MARF1: variants seen among roughly 807,000 people sequenced by gnomAD.
MARF1 encodes the protein limkain-b1.
MARF1 carries 24 observed loss-of-function variants against 168.2 expected under a neutral mutation model. The observed-to-expected ratio is 0.14, with a 90% CI of 0.10 to 0.20. MARF1 has a LOEUF of 0.20. Ranked by LOEUF, MARF1 falls within the 10% of genes least tolerant of loss-of-function variation. The probability of loss-of-function intolerance (pLI) is 1.00; values close to 1 mark genes in which losing one functional copy is unlikely to be tolerated. For missense variants in MARF1, 1,744 were observed against 2,143.6 expected (o/e 0.81, Z 3.68); for synonymous variants, 868 against 822.4 (o/e 1.06, Z -0.95).
chr16:15,613,350 T>C (rs953202788), intron 16 of MARF1, among the ~76,000 whole-genome samples: 6 of 152,074 alleles, frequency 3.9e-5, no homozygotes, highest in Admixed American at 6.5e-5. Context: ...GAAATCTTTA[T>C]AGAAAGGTGG....
In MARF1 at chr16:15,600,540, T is replaced by G. The variant is rs1379433407; in HGVS notation, c.4701A>C (p.Ser1567=). 1.2e-6 allele frequency: 2 copies of G among 1,613,912 alleles called. No homozygotes were observed. The highest frequency in any genetic ancestry group is 1.3e-5 in the African/African-American group (1 of 74,864). The change falls in exon 25 of 27, where the codon TCA becomes TCC. Residue 1567 remains serine, a synonymous_variant. Transcript: ENST00000396368. ...LKNDMKSRLS[S]LSLSPANHEN... is the part of the protein sequence containing the mutation. ...CATGATTGGCAGGGGAGAGACTGAG[T>G]GAACTCAAACGACCTACAGGACAAA...
intron 25 of MARF1, among the ~76,000 whole-genome samples, chr16:15,599,475 G>A (rs1400558773): frequency 3.3e-5 from 5 of 152,306 alleles, no homozygotes; most frequent in African/African-American, 4.8e-5. Flanking sequence ...GCTGCACAAC[G>A]GAGGTCAGCA....
At position 15,609,685 on chromosome 16, in the gene MARF1, G is replaced by A. The variant is rs1242698026; in HGVS notation, c.3792C>T (p.Ser1264=). The A allele has an allele frequency of 6.2e-7, 1 of 1,614,024 alleles. No homozygotes were observed. The highest frequency in any genetic ancestry group is 8.5e-7 in the Non-Finnish European group (1 of 1,179,994). ...GACGCAGCAAATCAACGACATCCTT[G>A]GAGAACTGTTTTGTCCTTTCTATTT... The part of the protein sequence containing the change: ...QDEIERTKQF[S]KDVVDLLRHQ... The change falls in exon 20 of 27, where the codon TCC becomes TCT. Residue 1264 remains serine, a synonymous_variant. Coordinates refer to ENST00000396368, the MANE Select transcript of MARF1 (RefSeq NM_014647.4).
At position 15,635,961 on chromosome 16, in the gene MARF1, A is replaced by C. The variant is rs753704997; in HGVS notation, c.526T>G (p.Phe176Val). ...RNNLAGIASD[F>V]PSMCLESNLS... is the part of the protein sequence containing the mutation. ...TTACTCTCTAGACACATGCTGGGAA[A>C]GTCACTTGCAATGCCTGCCAAATTG... Residue 176 changes from phenylalanine (F) to valine (V), a missense_variant, in exon 3 of 27, where the codon TTT (phenylalanine) becomes GTT (valine). Phe to Val is a conservative substitution (Grantham distance 50). This residue lies in a region of MARF1 where 318 missense variants were observed against 336.6 expected (regional missense o/e 0.94). Transcript: ENST00000396368. 1 of 1,614,138 alleles carries C rather than the reference A, an allele frequency of 6.2e-7. No homozygotes were observed. The highest frequency in any genetic ancestry group is 1.3e-5 in the African/African-American group (1 of 75,038).
intron 7 of MARF1, 196 bp downstream of exon 7, chr16:15,630,136 A>C (rs1296601077): frequency 2.4e-6 from 1 of 421,502 alleles, no homozygotes; most frequent in East Asian, 3.5e-5. Context: ...AAATAAATAA[A>C]AGCAAACTTC....
At chr16:15,600,329 G>A (rs1567526393) in intron 25 of MARF1, 99 bp downstream of exon 25, 9 of 1,479,652 alleles carry the variant, frequency 6.1e-6, no homozygotes, top group Non-Finnish European at 8.4e-6. Flanking sequence ...TCAGCAGATT[G>A]GATGACTTGC....
At chr16:15,612,876 G>T in intron 16 of MARF1, 99 bp from the exon 17 acceptor site, 1 of 988,762 alleles carries the variant, frequency 1.0e-6, no homozygotes, top group Non-Finnish European at 1.6e-6. Flanking sequence ...TTCGATCATG[G>T]GGAAGCAAAC....
At chr16:15,611,453 A>C (rs986464872) in intron 18 of MARF1, 139 bp downstream of exon 18, 2 of 782,720 alleles carry the variant, frequency 2.6e-6, no homozygotes, top group African/African-American at 3.5e-5. Context: ...TCTCAAAAAA[A>C]AAAAAAAAAA....
At chr16:15,600,839 T>C in intron 23 of MARF1, 138 bp from the exon 24 acceptor site, 1 of 853,168 alleles carries the variant, frequency 1.2e-6, no homozygotes, top group Non-Finnish European at 2.0e-6. Flanking sequence ...AGCATGTTTC[T>C]CTACTCTCTC....
Position 15,594,892 on chromosome 16 carries a change from T to C in MARF1, c.*1801A>G, listed in dbSNP as rs2031533278. 1 of 152,604 alleles carries C rather than the reference T, an allele frequency of 6.6e-6. No individual in the cohort carries two copies. The highest frequency in any genetic ancestry group is 2.1e-4 in the South Asian group (1 of 4,834). 9.5% of individuals were successfully genotyped at this position (152,604 alleles called of 1,614,324 possible). A position where few individuals can be genotyped will look rare whatever the true frequency, so the allele number is the denominator to read the frequency against. ...TTCTTTGTCTGTTGCCCAAAGAACCTGTTCTTTGAGTCTGTTCCAGGTGAC... is the reference window on the plus strand; with the variant it reads ...TTCTTTGTCTGTTGCCCAAAGAACCCGTTCTTTGAGTCTGTTCCAGGTGAC... On this transcript the variant is annotated 3_prime_UTR_variant, in exon 27 of 27. Coordinates refer to ENST00000396368, the MANE Select transcript of MARF1 (RefSeq NM_014647.4).
At chr16:15,599,231 C>G (rs2151016801) in intron 25 of MARF1, 1 of 591,550 alleles carries the variant, frequency 1.7e-6, no homozygotes, top group African/African-American at 1.9e-5. Flanking sequence ...CCTTAATAAG[C>G]TAGTTCTTCT....
Position 15,596,616 on chromosome 16 carries a change from A to T in MARF1, c.*77T>A. 3.5e-6 allele frequency: 5 copies of T among 1,409,124 alleles called. No homozygotes were observed. The highest frequency in any genetic ancestry group is 3.8e-6 in the Non-Finnish European group (4 of 1,053,868). 87.3% of individuals were successfully genotyped at this position (1,409,124 alleles called of 1,614,324 possible). ...GGGGGTTTTCATGACACAGAAAAGG[A>T]TGTATTTTTGAAACCCACTTTTGTG... On this transcript the variant is annotated 3_prime_UTR_variant, in exon 27 of 27. Transcript: ENST00000396368.
chr16:15,629,347 G>A (rs1369417630), intron 7 of MARF1, among the ~76,000 whole-genome samples: 1 of 152,136 alleles, frequency 6.6e-6, no homozygotes, highest in Non-Finnish European at 1.5e-5. Flanking sequence ...CATAGCATGA[G>A]TTTCAACTTA....
intron 11 of MARF1, 28 bp from the exon 12 acceptor site, chr16:15,621,939 G>T: frequency 1.2e-6 from 2 of 1,606,258 alleles, no homozygotes; most frequent in Non-Finnish European, 1.7e-6. Flanking sequence ...AAAACTAAAC[G>T]CTATGTCCGC....
chr16:15,630,529 C>A, intron 6 of MARF1, 25 bp from the exon 7 acceptor site: 1 of 1,589,334 alleles, frequency 6.3e-7, no homozygotes. Flanking sequence ...ACAGACCAAC[C>A]CCATCCCCAA....
rs574179077 is a variant in MARF1 at position 15,642,838 on chromosome 16, G to C, written c.-59+180C>G. 2.6e-5 allele frequency among the ~76,000 whole-genome samples: 4 copies of C among 152,310 alleles called. No homozygotes were observed. In the East Asian group the frequency reaches 7.7e-4, roughly 29 times the overall value. ...CAGTAGTGAATGGACCCGAAAGGGA[G>C]ACAAGCCAACTCTTTCGTGGGGGGC... On this transcript the variant is annotated intron_variant, in intron 1 of 26. Coordinates refer to ENST00000396368, the MANE Select transcript of MARF1 (RefSeq NM_014647.4).
chr16:15,634,553 T>C (rs1030380846), intron 4 of MARF1, among the ~76,000 whole-genome samples: 3 of 152,188 alleles, frequency 2.0e-5, no homozygotes, highest in Non-Finnish European at 4.4e-5. Context: ...AGCTTCTGTG[T>C]ATAGCCTCGG....
chr16:15,617,897 G>A (rs1223652230), intron 13 of MARF1, among the ~76,000 whole-genome samples: 1 of 152,094 alleles, frequency 6.6e-6, no homozygotes, highest in African/African-American at 2.4e-5. Context: ...TCCCCTCTCA[G>A]AAGTATATGT....
At position 15,634,746 on chromosome 16, in the gene MARF1, C is replaced by T. The variant is rs2035474735; in HGVS notation, c.1006+11G>A. 21 of 1,606,708 alleles carry T rather than the reference C, an allele frequency of 1.3e-5. No homozygotes were observed. The highest frequency in any genetic ancestry group is 1.8e-5 in the Non-Finnish European group (21 of 1,176,688). On this transcript the variant is annotated intron_variant, in intron 4 of 26. Coordinates refer to ENST00000396368, the MANE Select transcript of MARF1 (RefSeq NM_014647.4). ...TTAAATATGCACATTTTATGCCATA[C>T]TGTCATTTACCAAATTTTGAAGCAG...
Sources: gnomAD v4.1 joint callset for allele counts (sites outside exome capture counted in the v4.1 genomes callset) on GRCh38, gnomAD v4.1.1 for gene constraint, gnomAD v4.1.1 regional missense constraint, MANE v1.5 for transcripts, NCBI Gene and HGNC (gene_info 2026-07-23, HGNC 2026-07-21) for gene names.